TMC2: variants seen among roughly 807,000 people sequenced by gnomAD.
TMC2 encodes transmembrane channel like 2.
A neutral mutation model predicts 105.9 loss-of-function variants in TMC2; 102 were observed. The observed-to-expected ratio is 0.96, with a 90% CI of 0.82 to 1.14. TMC2 has a LOEUF of 1.14. TMC2 is among the 50% of genes most tolerant of loss of function. The pLI is 0.00. For missense variants in TMC2, 1,093 were observed against 1,134.3 expected (o/e 0.96, Z 0.52); for synonymous variants, 402 against 422.8 (o/e 0.95, Z 0.60).
chr20:2,580,694 C>T (rs942182453), intron 7 of TMC2, among the ~76,000 whole-genome samples: 1 of 152,102 alleles, frequency 6.6e-6, no homozygotes, highest in Admixed American at 6.6e-5. Context: ...GTAGCTCTCC[C>T]ACCTCAGCCT....
intron 11 of TMC2, 80 bp from the exon 12 acceptor site, chr20:2,610,339 G>T: frequency 7.6e-7 from 1 of 1,319,196 alleles, no homozygotes; most frequent in Non-Finnish European, 1.0e-6. Flanking sequence ...AAGTGGAGAT[G>T]GATGGCCATG....
rs914943550 is a variant in TMC2, at chr20:2,642,239, G to A, written c.*888G>A. On this transcript the variant is annotated 3_prime_UTR_variant, in exon 20 of 20. Transcript: ENST00000358864. Reference sequence around the variant, plus strand: ...GATAAATGAATCAAAGTAAATGAAAGTGAATGAAAATAAAGGTAAATGGAC... The same window carrying A: ...GATAAATGAATCAAAGTAAATGAAAATGAATGAAAATAAAGGTAAATGGAC... 6.6e-6 allele frequency among the ~76,000 whole-genome samples: 1 copy of A among 152,162 alleles called. No homozygotes were observed. Among genetic ancestry groups the A allele is most frequent in the African/African-American group, 2.4e-5 (1 of 41,442 alleles).
At chr20:2,537,003 G>A (rs1452270115) in intron 1 of TMC2, among the ~76,000 whole-genome samples, 2 of 152,180 alleles carry the variant, frequency 1.3e-5, no homozygotes, top group African/African-American at 2.4e-5. Context: ...AGGGTTGCCT[G>A]TTCCGAGCAA....
rs766757682 is a variant in TMC2 at position 2,579,932 on chromosome 20, C to T, written c.728-18C>T. On this transcript the variant is annotated intron_variant, in intron 6 of 19. Transcript: ENST00000358864. The stretch of plus-strand genomic sequence containing the variant: ...TTCCTTCTGCAGCACTCATACCCAC[C>T]GTCTTTTCTCTCTCTAGGTCACTTT... 3.7e-5 allele frequency: 58 copies of T among 1,580,578 alleles called. No individual in the cohort carries two copies. The highest frequency in any genetic ancestry group is 4.5e-5 in the Non-Finnish European group (52 of 1,149,946).
At chr20:2,601,993 A>G in intron 10 of TMC2, 120 bp from the exon 11 acceptor site, 1 of 635,286 alleles carries the variant, frequency 1.6e-6, no homozygotes, top group Non-Finnish European at 2.7e-6. Context: ...GCATTACATC[A>G]TCTCCTCTGT....
intron 7 of TMC2, among the ~76,000 whole-genome samples, chr20:2,584,699 A>AT (rs1374981158): frequency 2.0e-5 from 3 of 151,846 alleles, no homozygotes; most frequent in African/African-American, 7.3e-5. Context: ...TTACAGTATA[A>AT]TTTTTTTGTC....
chr20:2,618,707 C>G (rs2422802), intron 16 of TMC2, among the ~76,000 whole-genome samples: 1 of 152,080 alleles, frequency 6.6e-6, no homozygotes, highest in South Asian at 2.1e-4. Context: ...TTCCAAATGC[C>G]TGACCTTCTG....
chr20:2,580,149 A>G, intron 7 of TMC2, 93 bp downstream of exon 7: 1 of 688,844 alleles, frequency 1.5e-6, no homozygotes, highest in South Asian at 2.3e-5. Context: ...TTTACAAAGA[A>G]TCAGTCATTC....
chr20:2,542,796 A>G (rs1248835858), intron 2 of TMC2, among the ~76,000 whole-genome samples: 1 of 151,438 alleles, frequency 6.6e-6, no homozygotes, highest in Non-Finnish European at 1.5e-5. Flanking sequence ...GGTTCAAGCA[A>G]TTCTCCTGTC....
At chr20:2,541,776 A>G (rs1031858723) in intron 2 of TMC2, among the ~76,000 whole-genome samples, 3 of 152,220 alleles carry the variant, frequency 2.0e-5, no homozygotes, top group Non-Finnish European at 2.9e-5. Flanking sequence ...ATAAATATGC[A>G]TTTTAACAAG....
chr20:2,610,498 CACGCACTGGACTGAAGTGGCAGCTGGG>C lies in TMC2; in HGVS notation c.1499_1525del (p.Thr500_Arg508del). 1.9e-6 allele frequency: 3 copies of C among 1,613,850 alleles called. No individual in the cohort carries two copies. Among genetic ancestry groups the C allele is most frequent in the Non-Finnish European group, 2.5e-6 (3 of 1,179,874 alleles). On this transcript the variant is annotated inframe_deletion, in exon 12 of 20. Transcript: ENST00000358864. ...ATCGCTGCCCTGGAGAATTACCACC[CACGCACTGGACTGAAGTGGCAGCTGGG>C]ACGCATCTTTGCACTCTTCCTGGGG...
intron 5 of TMC2, among the ~76,000 whole-genome samples, chr20:2,577,382 G>A (rs1399634381): frequency 3.3e-5 from 5 of 152,106 alleles, no homozygotes; most frequent in Admixed American, 2.0e-4. Context: ...TAGGGAGGGC[G>A]GATGAAGCAA....
At position 2,582,360 on chromosome 20, in the gene TMC2, A is replaced by C. The variant is rs1044102525; in HGVS notation, c.834+2304A>C. Among the ~76,000 whole-genome samples the C allele has an allele frequency of 4.6e-5, 7 of 152,212 alleles. No individual in the cohort carries two copies. The East Asian group carries it at 1.3e-3, about 29-fold the overall frequency. On this transcript the variant is annotated intron_variant, in intron 7 of 19. Coordinates refer to ENST00000358864, the MANE Select transcript of TMC2 (RefSeq NM_080751.3). ...GCTCAAGGGTTTTCAGCATAAGCTA[A>C]GGTTCAGAGATATCCCCACGACCCA...
At chr20:2,545,924 A>AT in intron 2 of TMC2, among the ~76,000 whole-genome samples, 1 of 151,800 alleles carries the variant, frequency 6.6e-6, no homozygotes, top group African/African-American at 2.4e-5. Flanking sequence ...AAGAAATGAA[A>AT]GAAAGAAAGA....
chr20:2,536,788 C>G (rs900659583), intron 1 of TMC2, 133 bp downstream of exon 1: 25 of 893,086 alleles, frequency 2.8e-5, no homozygotes, highest in Non-Finnish European at 4.0e-5. Flanking sequence ...GTCCCCTGTG[C>G]GCTGAGCGAC....
At chr20:2,579,870 C>A in intron 6 of TMC2, 80 bp from the exon 7 acceptor site, 1 of 791,630 alleles carries the variant, frequency 1.3e-6, no homozygotes, top group Non-Finnish European at 2.1e-6. Flanking sequence ...AAAATTGAAT[C>A]CACCACACAC....
rs752161416 is a variant in TMC2, at chr20:2,579,956, T to C, written c.734T>C (p.Phe245Ser). The C allele has an allele frequency of 6.2e-7, 1 of 1,613,056 alleles. No individual in the cohort carries two copies. The change falls in exon 7 of 20, where the codon TTT (phenylalanine) becomes TCT (serine). Residue 245 changes from phenylalanine to serine, a missense_variant. Physicochemically the swap from Phe to Ser is radical, Grantham distance 155. Transcript: ENST00000358864. ...EMKIKDIESH[F>S]GSSVASYFIF... ...CCGTCTTTTCTCTCTCTAGGTCACT[T>C]TGGTTCTTCAGTGGCATCGTATTTC...
At chr20:2,596,821 A>G (rs2086311633) in intron 9 of TMC2, among the ~76,000 whole-genome samples, 1 of 152,070 alleles carries the variant, frequency 6.6e-6, no homozygotes, top group South Asian at 2.1e-4. Flanking sequence ...ACTCCCGTAT[A>G]GAGTTCTCAA....
At chr20:2,596,307 G>A (rs986801224) in intron 9 of TMC2, among the ~76,000 whole-genome samples, 6 of 152,092 alleles carry the variant, frequency 3.9e-5, no homozygotes, top group African/African-American at 4.8e-5. Flanking sequence ...GTATTAGGAC[G>A]GTGCAAAAGT....
Sources: gnomAD v4.1 joint callset for allele counts (sites outside exome capture counted in the v4.1 genomes callset) on GRCh38, gnomAD v4.1.1 for gene constraint, MANE v1.5 for transcripts, NCBI Gene and HGNC (gene_info 2026-07-23, HGNC 2026-07-21) for gene names.